Variants in GPR83 observed in about 807,000 individuals in gnomAD.
GPR83 encodes G-protein coupled receptor 72.
Under a neutral mutation model 28.0 loss-of-function variants are expected in GPR83, and 23 were observed. That is an observed-to-expected ratio of 0.82 (90% CI 0.59 to 1.16). GPR83 has a LOEUF of 1.16. Among genes scored for constraint, GPR83 ranks in the 50% most tolerant of loss-of-function variants. The pLI, the probability that GPR83 is intolerant of heterozygous loss-of-function variation, is 0.00. For synonymous variants in GPR83, 234 were observed against 215.4 expected, an observed-to-expected ratio of 1.09 and a Z score of -0.76; for missense variants, 610 against 536.6, an observed-to-expected ratio of 1.14 and a Z score of -1.35.
chr11:94,397,468 C>T (rs1349611196), intron 1 of GPR83, among the ~76,000 whole-genome samples: 1 of 152,128 alleles, frequency 6.6e-6, no homozygotes, highest in Non-Finnish European at 1.5e-5. Context: ...TGGGCAGAGG[C>T]ACAGAGGCAT....
rs778699483 is a variant in GPR83 at position 94,401,000 on chromosome 11, A to G, written c.248T>C (p.Val83Ala). 1.2e-6 allele frequency: 2 copies of G among 1,614,200 alleles called. No homozygotes were observed. Among genetic ancestry groups the G allele is most frequent in the Non-Finnish European group, 1.7e-6 (2 of 1,180,014 alleles). ...CAGGACGTTGCCAAAGAGTGAGAAG[A>G]CAATGATGAAGGAGTAAGCCACAAT... ...LLIVAYSFIIVFSLFGNVLVC... is the reference protein window; with the variant it reads ...LLIVAYSFIIAFSLFGNVLVC... Residue 83 changes from valine (V) to alanine (A), a missense_variant, in exon 1 of 4, where the codon GTC (valine) becomes GCC (alanine). By Grantham distance (64) the Val-to-Ala change is moderately conservative. Coordinates refer to ENST00000243673, the MANE Select transcript of GPR83 (RefSeq NM_016540.4).
chr11:94,401,320 C>A lies in GPR83; in HGVS notation c.-73G>T. ...CTCCCGCTGGGATCGGAGCGCGCAG[C>A]CGGGGTGCGGGGCGCACAGCATACA... On this transcript the variant is annotated 5_prime_UTR_variant, in exon 1 of 4. Transcript: ENST00000243673. The A allele has an allele frequency of 7.0e-7, 1 of 1,438,546 alleles. No homozygotes were observed. The highest frequency in any genetic ancestry group is 9.2e-7 in the Non-Finnish European group (1 of 1,086,172). The allele number at this position is 1,438,546 out of a possible 1,614,324, so 89.1% of individuals were successfully genotyped here. A position where few individuals can be genotyped will look rare whatever the true frequency, so the allele number is the denominator to read the frequency against.
At chr11:94,386,198 G>A (rs1591602745) in intron 3 of GPR83, among the ~76,000 whole-genome samples, 1 of 152,080 alleles carries the variant, frequency 6.6e-6, no homozygotes, top group Admixed American at 6.6e-5. Flanking sequence ...CCTGAAGGAA[G>A]CACTAAACAT....
chr11:94,383,992 C>T (rs1944720239), intron 3 of GPR83, among the ~76,000 whole-genome samples: 1 of 152,056 alleles, frequency 6.6e-6, no homozygotes, highest in African/African-American at 2.4e-5. Context: ...ATTAGGCCAG[C>T]ATCACGCTGA....
rs1944674569 is a variant in GPR83 at position 94,380,455 on chromosome 11, G to T, written c.966C>A (p.Thr322=). ...GGAAGGCAAAGTAGAGGGCATTGTT[G>T]GTGCGGATGACCTTGCTGGACAGGA... ...VLLLSSKVIR[T]NNALYFAFHW... is the part of the protein sequence containing the mutation. Residue 322 remains threonine, a synonymous_variant, in exon 4 of 4, where the codon ACC becomes ACA. Coordinates refer to ENST00000243673, the MANE Select transcript of GPR83 (RefSeq NM_016540.4). The T allele has an allele frequency of 6.2e-7, 1 of 1,614,156 alleles. No individual in the cohort carries two copies. The highest frequency in any genetic ancestry group is 8.5e-7 in the Non-Finnish European group (1 of 1,179,978).
At position 94,384,525 on chromosome 11, in the gene GPR83, G is replaced by A. The variant is rs148484190; in HGVS notation, c.648-3752C>T. 4.7e-3 allele frequency among the ~76,000 whole-genome samples: 712 copies of A among 152,318 alleles called. 7 individuals are homozygous for A. The highest frequency in any genetic ancestry group is 0.015 in the African/African-American group (640 of 41,578). On this transcript the variant is annotated intron_variant, in intron 3 of 3. Coordinates refer to ENST00000243673, the MANE Select transcript of GPR83 (RefSeq NM_016540.4). The stretch of plus-strand genomic sequence containing the variant: ...AGTGGGTGCAGCACACAAAGCATGA[G>A]CCGAAGCAGGGCAAGGCATCGCCTC...
At chr11:94,391,501 A>T (rs1216885691) in intron 3 of GPR83, among the ~76,000 whole-genome samples, 1 of 152,238 alleles carries the variant, frequency 6.6e-6, no homozygotes, top group Non-Finnish European at 1.5e-5. Flanking sequence ...GCTTCTACAC[A>T]GCACAAGAAA....
At chr11:94,382,082 G>T (rs528645968) in intron 3 of GPR83, among the ~76,000 whole-genome samples, 1 of 152,164 alleles carries the variant, frequency 6.6e-6, no homozygotes, top group Non-Finnish European at 1.5e-5. Context: ...GCCCAGCACG[G>T]TGGCTCATGC....
At chr11:94,395,023 A>G (rs149527829) in intron 2 of GPR83, among the ~76,000 whole-genome samples, 1 of 152,238 alleles carries the variant, frequency 6.6e-6, no homozygotes, top group Non-Finnish European at 1.5e-5. Flanking sequence ...AAATATTTAT[A>G]TGCAAACTTT....
intron 1 of GPR83, among the ~76,000 whole-genome samples, chr11:94,399,582 G>C (rs1228370183): frequency 2.0e-5 from 3 of 152,204 alleles, no homozygotes; most frequent in Admixed American, 6.5e-5. Flanking sequence ...GAGAATGTGA[G>C]GGTACTTTTT....
chr11:94,400,437 G>T (rs111226917), intron 1 of GPR83, among the ~76,000 whole-genome samples: 2 of 149,702 alleles, frequency 1.3e-5, no homozygotes, highest in African/African-American at 2.5e-5. Flanking sequence ...GGTGGGGAGA[G>T]GAGAGGAGAG....
Position 94,380,320 on chromosome 11 carries a change from G to A in GPR83, c.1101C>T (p.Pro367=), listed in dbSNP as rs777312937. The A allele has an allele frequency of 6.2e-6, 10 of 1,611,052 alleles. No homozygotes were observed. Among genetic ancestry groups the A allele is most frequent in the Non-Finnish European group, 5.9e-6 (7 of 1,177,962 alleles). ...AGGGTGGCCTGTCCTCCTGAGGCTT[G>A]GGAGGTCTTTGACACATGCTCAGTA... The part of the protein sequence containing the change: ...KALLSMCQRP[P]KPQEDRPPSP... Residue 367 remains proline (P), a synonymous_variant, in exon 4 of 4, where the codon CCC becomes CCT. Transcript: ENST00000243673.
chr11:94,380,395 G>A lies in GPR83; in HGVS notation c.1026C>T (p.Pro342=), dbSNP rs1944673610. The A allele has an allele frequency of 1.2e-6, 2 of 1,614,194 alleles. No homozygotes were observed. Among genetic ancestry groups the A allele is most frequent in the Non-Finnish European group, 1.7e-6 (2 of 1,180,024 alleles). The change falls in exon 4 of 4, where the codon CCC becomes CCT. Residue 342 remains proline (P), a synonymous_variant. Coordinates refer to ENST00000243673, the MANE Select transcript of GPR83 (RefSeq NM_016540.4). ...TCTCGTTCAGCCAGCAGTATATGAA[G>A]GGGTTATAGCAGGTGCTGCTCATGG... ...WFAMSSTCYN[P]FIYCWLNENF...
At position 94,380,536 on chromosome 11, in the gene GPR83, C is replaced by G. The variant is rs1944675903; in HGVS notation, c.885G>C (p.Met295Ile). The G allele has an allele frequency of 1.2e-6, 2 of 1,614,086 alleles. No homozygotes were observed. The highest frequency in any genetic ancestry group is 1.3e-5 in the African/African-American group (1 of 74,926). The change falls in exon 4 of 4, where the codon ATG becomes ATC. Residue 295 changes from methionine to isoleucine, a missense_variant. Physicochemically the swap from Met to Ile is conservative, Grantham distance 10. Transcript: ENST00000243673. Reference protein sequence around the residue: ...RKKKKTIKMLMLVVVLFALCW... With the variant: ...RKKKKTIKMLILVVVLFALCW... ...AGAGGGCAAAGAGGACTACCACCAG[C>G]ATCAACATCTTGATGGTCTTCTTCT... is the stretch of plus-strand genomic sequence containing the variant.
rs1944906419 is a variant in GPR83 at position 94,401,033 on chromosome 11, G to A, written c.215C>T (p.Ala72Val). 6.2e-7 allele frequency: 1 copy of A among 1,614,098 alleles called. No individual in the cohort carries two copies. The highest frequency in any genetic ancestry group is 8.5e-7 in the Non-Finnish European group (1 of 1,179,896). Residue 72 changes from alanine to valine, a missense_variant, in exon 1 of 4, where the codon GCC becomes GTC. Ala to Val is a moderately conservative substitution (Grantham distance 64). Coordinates refer to ENST00000243673, the MANE Select transcript of GPR83 (RefSeq NM_016540.4). ...GAAGGAGTAAGCCACAATGAGCAGG[G>A]CTTTCACCGTGGGGTTCTGGGACTC... ...GAESQNPTVK[A>V]LLIVAYSFII...
Position 94,380,781 on chromosome 11 carries a change from C to G in GPR83, c.648-8G>C. On this transcript the variant is annotated splice_region_variant and splice_polypyrimidine_tract_variant and intron_variant, in intron 3 of 3. Coordinates refer to ENST00000243673, the MANE Select transcript of GPR83 (RefSeq NM_016540.4). ...GAGCGCACAATGTCCTCACTGGGGG[C>G]AGGAAGTGGGGAGGGGGAGAGAGGT... The G allele has an allele frequency of 1.9e-6, 3 of 1,589,404 alleles. No homozygotes were observed. Among genetic ancestry groups the G allele is most frequent in the Admixed American group, 1.7e-5 (1 of 58,534 alleles).
At position 94,380,289 on chromosome 11, in the gene GPR83, C is replaced by T. The variant is rs573663414; in HGVS notation, c.1132G>A (p.Val378Ile). 6.3e-7 allele frequency: 1 copy of T among 1,593,792 alleles called. No homozygotes were observed. Among genetic ancestry groups the T allele is most frequent in the East Asian group, 2.2e-5 (1 of 44,742 alleles). The change falls in exon 4 of 4, where the codon GTT becomes ATT. Residue 378 changes from valine to isoleucine, a missense_variant. Physicochemically the swap from Val to Ile is conservative, Grantham distance 29. Coordinates refer to ENST00000243673, the MANE Select transcript of GPR83 (RefSeq NM_016540.4). ...GTCCAGGCCACCCTGAAGGAAGGAA[C>T]TGGGGAGGGTGGCCTGTCCTCCTGA... ...KPQEDRPPSP[V>I]PSFRVAWTEK...
intron 3 of GPR83, among the ~76,000 whole-genome samples, chr11:94,381,419 G>A (rs1591600165): frequency 6.6e-6 from 1 of 152,000 alleles, no homozygotes; most frequent in South Asian, 2.1e-4. Flanking sequence ...AGGTAGAAGG[G>A]CAGCCTGGAT....
At chr11:94,381,036 G>C (rs1006655436) in intron 3 of GPR83, among the ~76,000 whole-genome samples, 1 of 152,146 alleles carries the variant, frequency 6.6e-6, no homozygotes, top group Non-Finnish European at 1.5e-5. Flanking sequence ...CCACAGTAGA[G>C]ACCCAATACA....
Sources: allele counts gnomAD v4.1 joint callset (sites outside exome capture counted in the v4.1 genomes callset), GRCh38; gene constraint gnomAD v4.1.1; transcripts MANE v1.5; gene names NCBI Gene and HGNC (gene_info 2026-07-23, HGNC 2026-07-21).